Variants in CACNA1C observed in about 807,000 individuals in gnomAD.
CACNA1C encodes the protein voltage-dependent L-type calcium channel subunit alpha-1C.
Under a neutral mutation model 229.0 loss-of-function variants are expected in CACNA1C, and 30 were observed. The observed-to-expected ratio is 0.13, with a 90% confidence interval of 0.10 to 0.18. The LOEUF (loss-of-function observed/expected upper bound fraction) is 0.18. CACNA1C is among the 10% of genes least tolerant of loss of function. The pLI is 1.00. For missense variants in CACNA1C, 1,658 were observed against 2,845.0 expected (o/e 0.58, Z 9.49); for synonymous variants, 1,114 against 1,132.5 (o/e 0.98, Z 0.33).
At position 2,458,509 on chromosome 12, in the gene CACNA1C, A is replaced by C. The variant is rs150044191; in HGVS notation, c.757+803A>C. 5.9e-5 allele frequency among the ~76,000 whole-genome samples: 9 copies of C among 152,258 alleles called. No individual in the cohort carries two copies. In the East Asian group the frequency reaches 1.5e-3, roughly 26 times the overall value. On this transcript the variant is annotated intron_variant, in intron 5 of 46. Coordinates refer to ENST00000399655, the MANE Select transcript of CACNA1C (RefSeq NM_000719.7). ...AACTCCTTTCTACTCTTCCCTCTTC[A>C]GTTTGTGGTATCTGAGAACAATTCT...
intron 8 of CACNA1C, among the ~76,000 whole-genome samples, chr12:2,509,152 G>A (rs1456865523): frequency 6.6e-6 from 1 of 152,176 alleles, no homozygotes; most frequent in Non-Finnish European, 1.5e-5. Flanking sequence ...TCCCCAAAAA[G>A]CAGAGGACCC....
intron 18 of CACNA1C, among the ~76,000 whole-genome samples, chr12:2,589,704 C>A (rs143013425): frequency 1.4e-4 from 21 of 145,258 alleles, no homozygotes; most frequent in African/African-American, 4.9e-4. Flanking sequence ...TCCCTCTGAG[C>A]GGTGTGAATA....
intron 3 of CACNA1C, among the ~76,000 whole-genome samples, chr12:2,359,230 C>G (rs1488461474): frequency 2.6e-5 from 4 of 152,202 alleles, no homozygotes; most frequent in Non-Finnish European, 5.9e-5. Context: ...CCCACTTGCT[C>G]GGTCCTTCGG....
intron 1 of CACNA1C, 119 bp from the exon 2 acceptor site, chr12:2,115,105 C>T (rs1011690346): frequency 1.8e-5 from 14 of 779,082 alleles, no homozygotes; most frequent in East Asian, 1.1e-4. Flanking sequence ...ACCTCCTAAC[C>T]GCCTGCAATA....
At chr12:2,572,455 CTCCTCCTCCTCTTCCTCCTTCTCCTCT>C (rs2055734785) in intron 13 of CACNA1C, among the ~76,000 whole-genome samples, 2 of 54,002 alleles carry the variant, frequency 3.7e-5, no homozygotes, top group Non-Finnish European at 7.3e-5. Context: ...TCTCCTCTTC[CTCCTCCTCCTCTTCCTCCTTCTCCTCT>C]TCCTCCTCCT....
intron 30 of CACNA1C, among the ~76,000 whole-genome samples, chr12:2,638,209 G>C (rs1477461076): frequency 2.0e-5 from 3 of 152,238 alleles, no homozygotes; most frequent in Non-Finnish European, 4.4e-5. Flanking sequence ...AGGAAAAAAA[G>C]TAGTGCCAGA....
intron 3 of CACNA1C, among the ~76,000 whole-genome samples, chr12:2,141,533 G>C (rs953373184): frequency 1.3e-5 from 2 of 151,358 alleles, no homozygotes; most frequent in African/African-American, 4.8e-5. Flanking sequence ...CTGTGGGCTT[G>C]GCCATCCAGC....
At chr12:2,269,061 G>A (rs796100149) in intron 3 of CACNA1C, among the ~76,000 whole-genome samples, 2 of 152,188 alleles carry the variant, frequency 1.3e-5, no homozygotes, top group African/African-American at 4.8e-5. Context: ...CCTGTGTGCC[G>A]TGTGGGTTAC....
upstream of CACNA1C, among the ~76,000 whole-genome samples, chr12:2,049,778 C>T (rs1263814168): frequency 6.6e-6 from 1 of 152,146 alleles, no homozygotes; most frequent in Non-Finnish European, 1.5e-5. Context: ...TCCTCTGCTC[C>T]CACCACCTCC....
chr12:2,387,314 G>A (rs1024275385), intron 3 of CACNA1C, among the ~76,000 whole-genome samples: 1 of 152,010 alleles, frequency 6.6e-6, no homozygotes, highest in Non-Finnish European at 1.5e-5. Context: ...CTGAAATCTC[G>A]GCTCTACTGA....
chr12:2,689,867 C>T lies in CACNA1C; in HGVS notation c.6118-1033C>T, dbSNP rs1012968033. The T allele has an allele frequency of 6.6e-6, 1 of 152,208 alleles. No homozygotes were observed. Among genetic ancestry groups the T allele is most frequent in the African/African-American group, 2.4e-5 (1 of 41,418 alleles). 9.4% of individuals were successfully genotyped at this position (152,208 alleles called of 1,614,324 possible). A position where few individuals can be genotyped will look rare whatever the true frequency, so the allele number is the denominator to read the frequency against. ...AGATAATAAACACATACATATATAACACATCAGGAAGGTCAGGAGTGCCAA... is the reference window on the plus strand; with the variant it reads ...AGATAATAAACACATACATATATAATACATCAGGAAGGTCAGGAGTGCCAA... On this transcript the variant is annotated intron_variant, in intron 46 of 46. Coordinates refer to ENST00000399655, the MANE Select transcript of CACNA1C (RefSeq NM_000719.7). The surrounding 1 kb of genome is among the most constrained non-coding windows in gnomAD (Gnocchi z 4.2).
At chr12:2,413,828 A>G (rs2098835190) in intron 3 of CACNA1C, among the ~76,000 whole-genome samples, 1 of 152,122 alleles carries the variant, frequency 6.6e-6, no homozygotes, top group Non-Finnish European at 1.5e-5. Flanking sequence ...GCCCAGCTCA[A>G]ATGCCTCCCG....
chr12:2,086,913 A>G (rs1232132930), intron 1 of CACNA1C, among the ~76,000 whole-genome samples: 1 of 152,198 alleles, frequency 6.6e-6, no homozygotes, highest in African/African-American at 2.4e-5. Flanking sequence ...CCCAGGAAGA[A>G]AAAGGGAACA....
chr12:2,526,341 A>G (rs903561246), intron 9 of CACNA1C, among the ~76,000 whole-genome samples: 1 of 152,190 alleles, frequency 6.6e-6, no homozygotes, highest in African/African-American at 2.4e-5. Context: ...GGGCCTTGTC[A>G]CATCACACTG....
At position 2,647,455 on chromosome 12, in the gene CACNA1C, G is replaced by T. The variant is rs1359838979; in HGVS notation, c.3913-1020G>T. On this transcript the variant is annotated intron_variant, in intron 30 of 46. Transcript: ENST00000399655. The surrounding 1 kb of genome is among the most constrained non-coding windows in gnomAD (Gnocchi z 4.2). ...GTGAGAACAGCTTCCTGGGGTGTTAGTGTCCTAAATTGTGTGCAGGGCTTT... is the reference window on the plus strand; with the variant it reads ...GTGAGAACAGCTTCCTGGGGTGTTATTGTCCTAAATTGTGTGCAGGGCTTT... Among the ~76,000 whole-genome samples the T allele has an allele frequency of 6.6e-6, 1 of 152,272 alleles. No individual in the cohort carries two copies. The highest frequency in any genetic ancestry group is 2.4e-5 in the African/African-American group (1 of 41,476).
intron 7 of CACNA1C, among the ~76,000 whole-genome samples, chr12:2,503,663 C>T (rs116071285): frequency 3.3e-5 from 5 of 152,188 alleles, no homozygotes; most frequent in Non-Finnish European, 5.9e-5. Context: ...GAGATGTGCA[C>T]GGTGAGCTCC....
chr12:2,276,658 G>A (rs1389213397), intron 3 of CACNA1C, among the ~76,000 whole-genome samples: 2 of 152,320 alleles, frequency 1.3e-5, no homozygotes, highest in East Asian at 3.9e-4. Context: ...ACCTTAATTA[G>A]CATGGGTGTG....
At chr12:2,535,286 G>A (rs1046965017) in intron 9 of CACNA1C, among the ~76,000 whole-genome samples, 1 of 152,144 alleles carries the variant, frequency 6.6e-6, no homozygotes, top group African/African-American at 2.4e-5. Context: ...CTACTTGGGA[G>A]GCTGAGGCAG....
Position 2,354,352 on chromosome 12 carries a change from G to A in CACNA1C, c.478-94624G>A, listed in dbSNP as rs573101994. On this transcript the variant is annotated intron_variant, in intron 3 of 46. Transcript: ENST00000399655. This position sits in a 1 kb window ranked among gnomAD's most constrained non-coding sequence, Gnocchi z 4.6. ...GTGTTTCCTCTGGCGCCTCTAGGTCGCTCTGCAGCCACCTGCTTGGAGTGG... is the reference window on the plus strand; with the variant it reads ...GTGTTTCCTCTGGCGCCTCTAGGTCACTCTGCAGCCACCTGCTTGGAGTGG... Among the ~76,000 whole-genome samples, 2 of 152,252 alleles carry A rather than the reference G, an allele frequency of 1.3e-5. No homozygotes were observed. Among genetic ancestry groups the A allele is most frequent in the South Asian group, 2.1e-4 (1 of 4,822 alleles).
Sources: allele counts gnomAD v4.1 joint callset (sites outside exome capture counted in the v4.1 genomes callset), GRCh38; gene constraint gnomAD v4.1.1; non-coding constraint Gnocchi (gnomAD v3.1); transcripts MANE v1.5; gene names NCBI Gene and HGNC (gene_info 2026-07-23, HGNC 2026-07-21).